SUMF1: variants seen among roughly 807,000 people sequenced by gnomAD.
The protein encoded by SUMF1 is sulfatase modifying factor 1.
SUMF1 carries 48 observed loss-of-function variants against 47.6 expected under a neutral mutation model. The observed-to-expected ratio is 1.01, with a 90% CI of 0.80 to 1.28. The LOEUF is 1.28. Ranked by LOEUF, SUMF1 falls within the 50% of genes most tolerant of loss-of-function variation. The pLI is 0.00. For missense variants in SUMF1, 571 were observed against 485.4 expected (o/e 1.18, Z -1.66); for synonymous variants, 230 against 192.1 (o/e 1.20, Z -1.63).
At chr3:4,291,649 T>C (rs1697745688) in intron 8 of SUMF1, among the ~76,000 whole-genome samples, 1 of 152,182 alleles carries the variant, frequency 6.6e-6, no homozygotes, top group Admixed American at 6.5e-5. Flanking sequence ...GATTGGTCCT[T>C]GGCAGAAAAT....
intron 8 of SUMF1, among the ~76,000 whole-genome samples, chr3:4,085,512 T>C (rs980154568): frequency 1.3e-5 from 2 of 152,130 alleles, no homozygotes; most frequent in African/African-American, 4.8e-5. Context: ...ATCAAATTAT[T>C]AGCCTGCAAG....
At chr3:4,275,273 T>C (rs922387357) in intron 8 of SUMF1, among the ~76,000 whole-genome samples, 2 of 152,170 alleles carry the variant, frequency 1.3e-5, no homozygotes, top group Non-Finnish European at 2.9e-5. Flanking sequence ...TATTGTCTCA[T>C]ATACAATATG....
intron 8 of SUMF1, among the ~76,000 whole-genome samples, chr3:4,134,924 C>T (rs550549139): frequency 4.2e-4 from 64 of 152,116 alleles, no homozygotes; most frequent in African/African-American, 1.3e-3. Flanking sequence ...TAAATCAGGA[C>T]GAAGTTGAAT....
chr3:4,342,738 G>C (rs1040428837), intron 8 of SUMF1, among the ~76,000 whole-genome samples: 1 of 152,056 alleles, frequency 6.6e-6, no homozygotes, highest in Non-Finnish European at 1.5e-5. Context: ...TCACCAACTG[G>C]CTTACTATTA....
chr3:4,347,084 A>G (rs767812641), intron 8 of SUMF1, among the ~76,000 whole-genome samples: 4 of 152,358 alleles, frequency 2.6e-5, no homozygotes, highest in Non-Finnish European at 5.9e-5. Context: ...ACAGATTCAC[A>G]GCTGGATTTT....
downstream of SUMF1, among the ~76,000 whole-genome samples, chr3:4,357,558 C>T (rs1044234928): frequency 3.8e-4 from 57 of 151,414 alleles, no homozygotes; most frequent in African/African-American, 1.3e-3. Context: ...ACCCCCACCA[C>T]ACCCCTGCCC....
intron 8 of SUMF1, among the ~76,000 whole-genome samples, chr3:4,323,622 G>A (rs1698883506): frequency 6.6e-6 from 1 of 152,102 alleles, no homozygotes; most frequent in Non-Finnish European, 1.5e-5. Flanking sequence ...ATGAGGAGGA[G>A]GACAACAACC....
intron 7 of SUMF1, among the ~76,000 whole-genome samples, chr3:4,387,982 G>A (rs1700727933): frequency 6.6e-6 from 1 of 152,026 alleles, no homozygotes. Flanking sequence ...TTCATCTGAT[G>A]GCACAGGATA....
At chr3:4,389,130 C>T (rs1700768436) in intron 7 of SUMF1, among the ~76,000 whole-genome samples, 1 of 152,074 alleles carries the variant, frequency 6.6e-6, no homozygotes, top group Admixed American at 6.6e-5. Context: ...TTTAGCCATC[C>T]TTTTAGGATA....
intron 7 of SUMF1, among the ~76,000 whole-genome samples, chr3:4,385,960 T>C (rs1575160737): frequency 6.6e-6 from 1 of 152,240 alleles, no homozygotes; most frequent in South Asian, 2.1e-4. Context: ...GGCCTATTTC[T>C]GGATTCTCTA....
chr3:4,299,766 C>A (rs147074228), intron 8 of SUMF1, among the ~76,000 whole-genome samples: 1 of 152,056 alleles, frequency 6.6e-6, no homozygotes, highest in Non-Finnish European at 1.5e-5. Context: ...GCCAGGATGG[C>A]GCCACTGCAC....
intron 8 of SUMF1, among the ~76,000 whole-genome samples, chr3:4,115,119 T>C (rs981036057): frequency 1.3e-5 from 2 of 151,928 alleles, no homozygotes; most frequent in African/African-American, 2.4e-5. Flanking sequence ...TGCAGACAGC[T>C]GGACCTCGAG....
intron 8 of SUMF1, among the ~76,000 whole-genome samples, chr3:4,085,655 C>T (rs534574849): frequency 6.6e-6 from 1 of 152,130 alleles, no homozygotes; most frequent in Admixed American, 6.5e-5. Flanking sequence ...ATCCCTTCTC[C>T]TTCACCTAGA....
At chr3:4,286,493 G>T (rs1697635638) in intron 8 of SUMF1, among the ~76,000 whole-genome samples, 1 of 152,086 alleles carries the variant, frequency 6.6e-6, no homozygotes, top group Admixed American at 6.5e-5. Context: ...CTTATTTGAA[G>T]AAAGAATATG....
chr3:4,067,564 A>G (rs1261219394), intron 9 of SUMF1, among the ~76,000 whole-genome samples: 1 of 152,206 alleles, frequency 6.6e-6, no homozygotes, highest in Non-Finnish European at 1.5e-5. Context: ...CAGATAAGGC[A>G]TTCTGTACAG....
intron 2 of SUMF1, among the ~76,000 whole-genome samples, chr3:4,450,715 T>C (rs1702940944): frequency 6.6e-6 from 1 of 152,104 alleles, no homozygotes; most frequent in Non-Finnish European, 1.5e-5. Flanking sequence ...TAGAGTGTCA[T>C]GAAAAACTTT....
chr3:4,136,911 A>T (rs926685401), intron 8 of SUMF1, among the ~76,000 whole-genome samples: 3 of 152,102 alleles, frequency 2.0e-5, no homozygotes, highest in Non-Finnish European at 4.4e-5. Flanking sequence ...GCAAATCAAA[A>T]CCACAATGAG....
chr3:4,445,877 T>G (rs1202520404), intron 3 of SUMF1, among the ~76,000 whole-genome samples: 1 of 152,142 alleles, frequency 6.6e-6, no homozygotes. Flanking sequence ...GGAAACTGGG[T>G]GAAAGGTACA....
chr3:4,109,906 A>T (rs904937967), intron 8 of SUMF1, among the ~76,000 whole-genome samples: 12 of 152,138 alleles, frequency 7.9e-5, no homozygotes, highest in African/African-American at 2.4e-4. Flanking sequence ...TGATTGTCTG[A>T]AGCCTTCTTC....
Sources: gnomAD v4.1 joint callset for allele counts (sites outside exome capture counted in the v4.1 genomes callset) on GRCh38, gnomAD v4.1.1 for gene constraint, MANE v1.5 for transcripts, NCBI Gene and HGNC (gene_info 2026-07-23, HGNC 2026-07-21) for gene names.